Variants in MARCHF3 observed in about 807,000 individuals in gnomAD.
The protein encoded by MARCHF3 is membrane associated ring-CH-type finger 3, also known as E3 ubiquitin-protein ligase MARCHF3.
MARCHF3 carries 13 observed loss-of-function variants against 24.2 expected under a neutral mutation model. The observed-to-expected ratio is 0.54, with a 90% CI of 0.35 to 0.85. MARCHF3 has a LOEUF of 0.85. Ranked by LOEUF, MARCHF3 falls within the 40% of genes least tolerant of loss-of-function variation. The pLI, the probability that MARCHF3 is intolerant of heterozygous loss-of-function variation, is 0.01. For missense variants in MARCHF3, 276 were observed against 325.0 expected, an observed-to-expected ratio of 0.85 and a Z score of 1.16; for synonymous variants, 144 against 137.3, an observed-to-expected ratio of 1.05 and a Z score of -0.34.
At chr5:126,925,346 T>A (rs1043752544) in intron 1 of MARCHF3, among the ~76,000 whole-genome samples, 1 of 152,226 alleles carries the variant, frequency 6.6e-6, no homozygotes, top group African/African-American at 2.4e-5. Context: ...CTCATCCACA[T>A]GATTAATTCT....
At chr5:127,013,247 T>G (rs1752526846) in intron 1 of MARCHF3, among the ~76,000 whole-genome samples, 1 of 152,180 alleles carries the variant, frequency 6.6e-6, no homozygotes, top group South Asian at 2.1e-4. Flanking sequence ...TGTTACTGCT[T>G]TTGCTATACA....
intron 1 of MARCHF3, among the ~76,000 whole-genome samples, chr5:126,982,704 C>G (rs1395948001): frequency 1.3e-5 from 2 of 152,180 alleles, no homozygotes; most frequent in Admixed American, 6.5e-5. Flanking sequence ...CACATCAACT[C>G]TCTACTCTAG....
At chr5:127,016,769 A>G (rs1355529305) in intron 1 of MARCHF3, among the ~76,000 whole-genome samples, 1 of 152,200 alleles carries the variant, frequency 6.6e-6, no homozygotes. Flanking sequence ...GTATATACCC[A>G]AAGGATTATA....
At chr5:126,989,237 C>A (rs1364081709) in intron 1 of MARCHF3, among the ~76,000 whole-genome samples, 1 of 151,926 alleles carries the variant, frequency 6.6e-6, no homozygotes, top group African/African-American at 2.4e-5. Context: ...TATGATCGCA[C>A]CACTGCACTT....
intron 1 of MARCHF3, among the ~76,000 whole-genome samples, chr5:126,933,180 A>G (rs1749530510): frequency 6.6e-6 from 1 of 152,226 alleles, no homozygotes; most frequent in African/African-American, 2.4e-5. Flanking sequence ...GACATTTGAA[A>G]GAGGCCAGAA....
chr5:127,002,311 A>T (rs1354492980), intron 1 of MARCHF3, among the ~76,000 whole-genome samples: 1 of 152,196 alleles, frequency 6.6e-6, no homozygotes, highest in Non-Finnish European at 1.5e-5. Flanking sequence ...TTTTTACAAA[A>T]TATTTGTTAG....
chr5:126,950,943 C>T (rs1309560407), intron 1 of MARCHF3, among the ~76,000 whole-genome samples: 2 of 152,128 alleles, frequency 1.3e-5, no homozygotes, highest in Non-Finnish European at 2.9e-5. Context: ...TATGTAAACA[C>T]CATCAGACCA....
In MARCHF3 at chr5:126,899,325, A is replaced by C. The variant is rs1175268552; in HGVS notation, c.393+15605T>G. ...GAGCCACAAATAATTGAAGAGAAAA[A>C]TCAGTGTTTTCCTTTCTGGGTTGCA... On this transcript the variant is annotated intron_variant, in intron 3 of 4. Transcript: ENST00000308660. The C allele has an allele frequency of 2.0e-6, 2 of 984,380 alleles. 1 individual carries two copies. Among genetic ancestry groups the C allele is most frequent in the African/African-American group, 3.5e-5 (2 of 57,150 alleles). The allele number at this position is 984,380 out of a possible 1,614,324, so 61.0% of individuals were successfully genotyped here.
chr5:127,006,085 C>G (rs772886256), intron 1 of MARCHF3, among the ~76,000 whole-genome samples: 3 of 151,734 alleles, frequency 2.0e-5, no homozygotes, highest in African/African-American at 7.3e-5. Flanking sequence ...CACTTGTAAT[C>G]CCAGCTACTC....
intron 1 of MARCHF3, among the ~76,000 whole-genome samples, chr5:126,945,758 A>G (rs909877426): frequency 6.6e-6 from 1 of 152,190 alleles, no homozygotes; most frequent in Non-Finnish European, 1.5e-5. Context: ...CAGCTGGGTG[A>G]CAGCAGGTGC....
At chr5:126,997,974 G>A (rs1752002625) in intron 1 of MARCHF3, among the ~76,000 whole-genome samples, 1 of 152,124 alleles carries the variant, frequency 6.6e-6, no homozygotes, top group South Asian at 2.1e-4. Flanking sequence ...GTCCATTGGA[G>A]GCTATAGGCA....
chr5:126,946,943 G>C lies in MARCHF3; in HGVS notation c.-56-28716C>G, dbSNP rs141383276. Among the ~76,000 whole-genome samples, 3 of 152,250 alleles carry C rather than the reference G, an allele frequency of 2.0e-5. No individual in the cohort carries two copies. In the East Asian group the frequency reaches 5.8e-4, roughly 29 times the overall value. ...ACTGAGTATGTGAAACTGACTTTTA[G>C]TTTGGTGTATCCCAGAAAGATAATT... is the stretch of plus-strand genomic sequence containing the variant. On this transcript the variant is annotated intron_variant, in intron 1 of 4. Coordinates refer to ENST00000308660, the MANE Select transcript of MARCHF3 (RefSeq NM_178450.5).
At chr5:126,883,485 TAAAC>T (rs1036100034) in intron 3 of MARCHF3, among the ~76,000 whole-genome samples, 2 of 152,096 alleles carry the variant, frequency 1.3e-5, no homozygotes, top group Admixed American at 6.6e-5. Flanking sequence ...GTACAATAAA[TAAAC>T]AAACTAGAAA....
In MARCHF3 at chr5:126,917,510, C is replaced by T. The variant is rs115633962; in HGVS notation, c.188+474G>A. Among the ~76,000 whole-genome samples, 192 of 152,306 alleles carry T rather than the reference C, an allele frequency of 1.3e-3. 1 individual carries two copies. Among genetic ancestry groups the T allele is most frequent in the African/African-American group, 4.5e-3 (185 of 41,566 alleles). ...CCTCCAAGTGATAAGAAGACACCCA[C>T]CCAGAAAGTAGCCCTGGACAGCGCT... On this transcript the variant is annotated intron_variant, in intron 2 of 4. Transcript: ENST00000308660.
At chr5:126,923,835 G>A (rs1311973371) in intron 1 of MARCHF3, among the ~76,000 whole-genome samples, 2 of 152,144 alleles carry the variant, frequency 1.3e-5, no homozygotes, top group South Asian at 2.1e-4. Context: ...GGTAGGCTCC[G>A]CAGGTCTCAA....
intron 1 of MARCHF3, among the ~76,000 whole-genome samples, chr5:126,974,259 C>T (rs1751119807): frequency 6.6e-6 from 1 of 152,208 alleles, no homozygotes; most frequent in Non-Finnish European, 1.5e-5. Context: ...GGACCCTTCC[C>T]TCCCTCAAGC....
intron 3 of MARCHF3, among the ~76,000 whole-genome samples, chr5:126,913,191 T>C (rs1754600443): frequency 6.6e-6 from 1 of 152,230 alleles, no homozygotes; most frequent in Admixed American, 6.5e-5. Context: ...CACACACAGA[T>C]GCACACACAC....
intron 1 of MARCHF3, among the ~76,000 whole-genome samples, chr5:126,956,992 T>C (rs1750469293): frequency 1.3e-5 from 2 of 152,220 alleles, no homozygotes; most frequent in Non-Finnish European, 2.9e-5. Context: ...CTTCAGGTGA[T>C]CCTCCCACCT....
At chr5:126,978,433 G>A (rs1242361000) in intron 1 of MARCHF3, among the ~76,000 whole-genome samples, 4 of 150,952 alleles carry the variant, frequency 2.6e-5, no homozygotes, top group East Asian at 2.0e-4. Context: ...AACCCTATGT[G>A]AAAGGATGTT....
Sources: gnomAD v4.1 joint callset for allele counts (sites outside exome capture counted in the v4.1 genomes callset) on GRCh38, gnomAD v4.1.1 for gene constraint, MANE v1.5 for transcripts, NCBI Gene and HGNC (gene_info 2026-07-23, HGNC 2026-07-21) for gene names.